The following DSCAM variants were observed in gnomAD, a reference collection of about 807,000 sequenced individuals.
The protein encoded by DSCAM is cell adhesion molecule DSCAM.
Under a neutral mutation model 217.7 loss-of-function variants are expected in DSCAM, and 47 were observed. That is an observed-to-expected ratio of 0.22 (90% CI 0.17 to 0.28). DSCAM has a LOEUF of 0.28. DSCAM is among the 10% of genes least tolerant of loss of function. The pLI, the probability that DSCAM is intolerant of heterozygous loss-of-function variation, is 1.00. For missense variants in DSCAM, 2,080 were observed against 2,618.3 expected, an observed-to-expected ratio of 0.79 and a Z score of 4.49; for synonymous variants, 1,056 against 1,015.3, an observed-to-expected ratio of 1.04 and a Z score of -0.76.
intron 1 of DSCAM, among the ~76,000 whole-genome samples, chr21:40,788,428 A>G (rs2091611965): frequency 6.6e-6 from 1 of 152,114 alleles, no homozygotes; most frequent in Admixed American, 6.6e-5. Context: ...TTATACCTTC[A>G]CTAGAGGAAG....
chr21:40,825,635 A>T (rs1001042713), intron 1 of DSCAM, among the ~76,000 whole-genome samples: 5 of 152,136 alleles, frequency 3.3e-5, no homozygotes, highest in Non-Finnish European at 7.3e-5. Flanking sequence ...CATTTTCAAA[A>T]ATTTTTGAAC....
chr21:40,472,450 T>C (rs2075896851), intron 3 of DSCAM, among the ~76,000 whole-genome samples: 1 of 152,238 alleles, frequency 6.6e-6, no homozygotes, highest in Non-Finnish European at 1.5e-5. Context: ...CTATCATATA[T>C]AAATTCTAAT....
At chr21:40,765,374 C>T (rs1299046240) in intron 1 of DSCAM, among the ~76,000 whole-genome samples, 1 of 150,586 alleles carries the variant, frequency 6.6e-6, no homozygotes, top group South Asian at 2.1e-4. Context: ...TTCCGTGGGG[C>T]CTTTTGGTCT....
At chr21:40,051,926 C>T (rs937040142) in intron 30 of DSCAM, 32 bp downstream of exon 30, 10 of 1,590,428 alleles carry the variant, frequency 6.3e-6, no homozygotes, top group African/African-American at 4.1e-5. Context: ...ATTGTTAACA[C>T]CCACACATTT....
intron 3 of DSCAM, among the ~76,000 whole-genome samples, chr21:40,518,327 C>A (rs528105992): frequency 3.1e-4 from 21 of 67,834 alleles, no homozygotes; most frequent in African/African-American, 9.7e-4. Flanking sequence ...GCCTCGCAGA[C>A]CATCTGCACA....
chr21:40,829,937 T>C (rs553791290), intron 1 of DSCAM, among the ~76,000 whole-genome samples: 5 of 152,256 alleles, frequency 3.3e-5, no homozygotes, highest in African/African-American at 1.2e-4. Flanking sequence ...TATTGCCACA[T>C]TTTTTCCCAC....
chr21:40,719,255 T>TG (rs1403593687), intron 1 of DSCAM, among the ~76,000 whole-genome samples: 1 of 152,088 alleles, frequency 6.6e-6, no homozygotes, highest in Non-Finnish European at 1.5e-5. Flanking sequence ...AAAAGTACAG[T>TG]GGGGTACTAC....
chr21:40,220,058 G>A (rs928377270), intron 11 of DSCAM, among the ~76,000 whole-genome samples: 6 of 152,172 alleles, frequency 3.9e-5, no homozygotes, highest in Non-Finnish European at 2.9e-5. Context: ...TGTTTTCAAC[G>A]TTTTGCCAGG....
chr21:40,633,447 G>T (rs1378131636), intron 3 of DSCAM, among the ~76,000 whole-genome samples: 1 of 152,152 alleles, frequency 6.6e-6, no homozygotes, highest in Non-Finnish European at 1.5e-5. Context: ...CCTAGAAATT[G>T]CTGTTCTCAG....
intron 11 of DSCAM, among the ~76,000 whole-genome samples, chr21:40,270,821 G>A (rs181191009): frequency 6.0e-4 from 91 of 152,318 alleles, no homozygotes; most frequent in Non-Finnish European, 1.0e-3. Flanking sequence ...ACAGAGCAAT[G>A]CTACCGGGAC....
At chr21:40,695,429 A>C (rs2090585166) in intron 2 of DSCAM, among the ~76,000 whole-genome samples, 1 of 152,100 alleles carries the variant, frequency 6.6e-6, no homozygotes, top group East Asian at 1.9e-4. Flanking sequence ...CACTGCCCTC[A>C]CCAGTACCAG....
chr21:40,713,089 C>G (rs1432791099), intron 1 of DSCAM, among the ~76,000 whole-genome samples: 1 of 152,204 alleles, frequency 6.6e-6, no homozygotes, highest in Non-Finnish European at 1.5e-5. Flanking sequence ...TTCAACAATG[C>G]TGGAAATAAC....
At chr21:40,039,544 AACAC>A (rs2088703872) in intron 32 of DSCAM, among the ~76,000 whole-genome samples, 1 of 152,118 alleles carries the variant, frequency 6.6e-6, no homozygotes, top group South Asian at 2.1e-4. Flanking sequence ...GTATATTATA[AACAC>A]ACACAGGAGA....
At chr21:40,311,595 A>G (rs1418850763) in intron 9 of DSCAM, among the ~76,000 whole-genome samples, 1 of 152,230 alleles carries the variant, frequency 6.6e-6, no homozygotes, top group Non-Finnish European at 1.5e-5. Flanking sequence ...AATAGAATAG[A>G]TGGGCAAAGA....
chr21:40,465,688 G>A (rs891547105), intron 3 of DSCAM, among the ~76,000 whole-genome samples: 2 of 152,132 alleles, frequency 1.3e-5, no homozygotes, highest in Admixed American at 1.3e-4. Context: ...TATCATTAGG[G>A]TATTTTATGA....
At chr21:40,052,639 A>G (rs1040585975) in intron 29 of DSCAM, among the ~76,000 whole-genome samples, 1 of 152,244 alleles carries the variant, frequency 6.6e-6, no homozygotes, top group Non-Finnish European at 1.5e-5. Flanking sequence ...AAAACATGCC[A>G]GTCTTCAGAG....
At chr21:40,595,891 A>G (rs2077017951) in intron 3 of DSCAM, among the ~76,000 whole-genome samples, 1 of 152,242 alleles carries the variant, frequency 6.6e-6, no homozygotes, top group Non-Finnish European at 1.5e-5. Context: ...GAGACGAAGT[A>G]TCCTGGTACC....
intron 26 of DSCAM, among the ~76,000 whole-genome samples, chr21:40,077,982 C>T (rs1422083500): frequency 6.6e-6 from 1 of 152,198 alleles, no homozygotes; most frequent in Non-Finnish European, 1.5e-5. Flanking sequence ...AAGTTGCAGT[C>T]GAGGACTCGC....
chr21:40,356,522 T>C (rs1234613577), intron 4 of DSCAM, among the ~76,000 whole-genome samples: 1 of 151,878 alleles, frequency 6.6e-6, no homozygotes, highest in Non-Finnish European at 1.5e-5. Context: ...CAGGCGAAAA[T>C]GTGTGGATTT....
Sources: allele counts gnomAD v4.1 joint callset (sites outside exome capture counted in the v4.1 genomes callset), GRCh38; gene constraint gnomAD v4.1.1; transcripts MANE v1.5; gene names NCBI Gene and HGNC (gene_info 2026-07-23, HGNC 2026-07-21).